Variants in ERI2 observed in about 807,000 individuals in gnomAD.
ERI2 encodes the protein ERI1 exoribonuclease 2.
A neutral mutation model predicts 46.8 loss-of-function variants in ERI2; 35 were observed. That is an observed-to-expected ratio of 0.75 (90% CI 0.57 to 0.99). The LOEUF (loss-of-function observed/expected upper bound fraction) is 0.99, where lower values mean the gene tolerates loss of function less well. ERI2 is among the 50% of genes least tolerant of loss of function. The pLI is 0.00. For synonymous variants in ERI2, 224 were observed against 271.0 expected, an observed-to-expected ratio of 0.83 and a Z score of 1.70; for missense variants, 695 against 796.2, an observed-to-expected ratio of 0.87 and a Z score of 1.53.
downstream of ERI2, among the ~76,000 whole-genome samples, chr16:20,795,004 C>T (rs866858224): frequency 1.3e-5 from 2 of 152,186 alleles, no homozygotes; most frequent in South Asian, 4.1e-4. Flanking sequence ...GAATGACTCA[C>T]TTACAACAAG....
At chr16:20,789,618 A>C in intron 9 of ERI2, 1 of 1,150,364 alleles carries the variant, frequency 8.7e-7, no homozygotes, top group Admixed American at 1.7e-5. Context: ...AAAGATAATC[A>C]AGACCTATTG....
downstream of ERI2, among the ~76,000 whole-genome samples, chr16:20,793,035 C>T (rs1268802943): frequency 6.6e-6 from 1 of 152,206 alleles, no homozygotes; most frequent in African/African-American, 2.4e-5. Flanking sequence ...TTGAAGATGA[C>T]ACTGATGTCA....
chr16:20,785,187 A>C, intron 10 of ERI2: 5 of 1,551,762 alleles, frequency 3.2e-6, no homozygotes, highest in Non-Finnish European at 3.5e-6. Context: ...CAGTCTCCTT[A>C]TGATTATTTG....
At chr16:20,803,948 G>A (rs1413182891) in intron 1 of ERI2, among the ~76,000 whole-genome samples, 1 of 152,012 alleles carries the variant, frequency 6.6e-6, no homozygotes, top group Non-Finnish European at 1.5e-5. Flanking sequence ...AATCTCCTGG[G>A]CTCAAGCAAT....
chr16:20,791,146 A>C (rs539935864), intron 8 of ERI2, among the ~76,000 whole-genome samples: 10 of 152,364 alleles, frequency 6.6e-5, no homozygotes, highest in Non-Finnish European at 1.3e-4. Context: ...TAATCACAGT[A>C]TACAAATTAG....
chr16:20,800,068 G>T (rs1486078057), intron 6 of ERI2, 30 bp from the exon 7 acceptor site: 1 of 1,341,488 alleles, frequency 7.5e-7, no homozygotes, highest in African/African-American at 1.5e-5. Flanking sequence ...ATATTTAAAA[G>T]AAGATTACTA....
rs1481263240 is a variant in ERI2, at chr16:20,798,235, A to G, written c.1565T>C (p.Leu522Ser). 1 of 1,551,618 alleles carries G rather than the reference A, an allele frequency of 6.4e-7. No homozygotes were observed. The highest frequency in any genetic ancestry group is 2.4e-5 in the East Asian group (1 of 40,916). ...VNANMSHPLV[L>S]GKHPLLSGGT... ...ACCTGAAAGAAGAGGATGTTTCCCC[A>G]AAACTAAAGGATGAGACATATTGGC... The change falls in exon 9 of 9, where the codon TTG becomes TCG. Residue 522 changes from leucine (L) to serine (S), a missense_variant. Transcript: ENST00000357967.
At position 20,799,122 on chromosome 16, in the gene ERI2, CT is replaced by C. The variant is rs2080768324; in HGVS notation, c.733-56del. The C allele has an allele frequency of 1.1e-5, 17 of 1,480,042 alleles. No homozygotes were observed. The South Asian group carries it at 2.0e-4, about 17-fold the overall frequency. The allele number at this position is 1,480,042 out of a possible 1,614,324, so 91.7% of individuals were successfully genotyped here. A position where few individuals can be genotyped will look rare whatever the true frequency, so the allele number is the denominator to read the frequency against. ...TTAGAAACTGTGCATTCGTTAATTT[CT>C]TCAGTATACAGTTTTATGACAAAAA... On this transcript the variant is annotated intron_variant, in intron 8 of 8. Transcript: ENST00000357967.
intron 9 of ERI2, among the ~76,000 whole-genome samples, chr16:20,789,722 T>C (rs2080554281): frequency 6.7e-6 from 1 of 149,450 alleles, no homozygotes; most frequent in Non-Finnish European, 1.5e-5. Flanking sequence ...GTTTCACTCA[T>C]TGCCCAGGCT....
At chr16:20,804,673 T>A (rs2080834105) in intron 1 of ERI2, among the ~76,000 whole-genome samples, 1 of 151,496 alleles carries the variant, frequency 6.6e-6, no homozygotes, top group Non-Finnish European at 1.5e-5. Context: ...CTCAAAAAAA[T>A]AAATAAATAA....
intron 10 of ERI2, chr16:20,789,413 G>T: frequency 8.5e-7 from 1 of 1,177,178 alleles, no homozygotes; most frequent in Non-Finnish European, 1.3e-6. Flanking sequence ...CTAGCTACTG[G>T]TAGACACTTC....
chr16:20,793,407 T>G (rs1387325222), downstream of ERI2, among the ~76,000 whole-genome samples: 1 of 152,178 alleles, frequency 6.6e-6, no homozygotes, highest in Non-Finnish European at 1.5e-5. Flanking sequence ...ACGGGGAGGT[T>G]ACAGTGAGCC....
Position 20,798,762 on chromosome 16 carries a change from G to A in ERI2, c.1038C>T (p.Thr346=), listed in dbSNP as rs770317976. ...TTTGCATATAGATAGGTGAATTCAAGGTAGGAGACTGCAACTGCCCCACAG... is the reference window on the plus strand; with the variant it reads ...TTTGCATATAGATAGGTGAATTCAAAGTAGGAGACTGCAACTGCCCCACAG... ...STSVGQLQSP[T]LNSPIYMQKQ... is the part of the protein sequence containing the mutation. Residue 346 remains threonine (T), a synonymous_variant, in exon 9 of 9, where the codon ACC becomes ACT. Transcript: ENST00000357967. The A allele has an allele frequency of 4.5e-6, 7 of 1,551,524 alleles. No individual in the cohort carries two copies. Among genetic ancestry groups the A allele is most frequent in the South Asian group, 1.2e-5 (1 of 84,052 alleles).
At chr16:20,784,906 G>A in intron 10 of ERI2, 2 of 1,497,304 alleles carry the variant, frequency 1.3e-6, no homozygotes, top group Non-Finnish European at 1.8e-6. Flanking sequence ...TTATATTGAA[G>A]TTCATAAGAA....
chr16:20,805,356 CAG>C (rs939197817), intron 1 of ERI2, among the ~76,000 whole-genome samples: 1 of 150,852 alleles, frequency 6.6e-6, no homozygotes, highest in African/African-American at 2.5e-5. Flanking sequence ...ACCCGGGAGG[CAG>C]AGGTTATGGT....
chr16:20,780,224 C>T (rs2080323396), exon 11 of ERI2: 1 of 183,522 alleles, frequency 5.4e-6, no homozygotes, highest in Non-Finnish European at 1.2e-5. Flanking sequence ...TTTACAGAAA[C>T]AAGAGGCAAG....
intron 7 of ERI2, chr16:20,799,658 G>T: frequency 2.1e-6 from 1 of 466,558 alleles, no homozygotes; most frequent in South Asian, 3.4e-5. Context: ...TAATAGTCTT[G>T]TTCAGTTTTT....
intron 3 of ERI2, 112 bp from the exon 4 acceptor site, chr16:20,803,035 A>G: frequency 8.7e-7 from 1 of 1,152,320 alleles, no homozygotes; most frequent in Non-Finnish European, 1.2e-6. Flanking sequence ...GTTTTCAGTA[A>G]AAGCATACTA....
intron 1 of ERI2, 100 bp from the exon 2 acceptor site, chr16:20,803,770 T>G (rs890453985): frequency 7.2e-7 from 1 of 1,387,684 alleles, no homozygotes; most frequent in African/African-American, 1.4e-5. Flanking sequence ...ATCTCATTAT[T>G]TATTGTGACT....
Sources: gnomAD v4.1 joint callset for allele counts (sites outside exome capture counted in the v4.1 genomes callset) on GRCh38, gnomAD v4.1.1 for gene constraint, MANE v1.5 for transcripts, NCBI Gene and HGNC (gene_info 2026-07-23, HGNC 2026-07-21) for gene names.